Variants in NSD2 observed in about 807,000 individuals in gnomAD.
NSD2 encodes the protein histone-lysine N-methyltransferase NSD2.
NSD2 carries 12 observed loss-of-function variants against 139.0 expected under a neutral mutation model. The ratio of observed to expected loss-of-function variants is 0.09; its 90% CI spans 0.06 to 0.14. The LOEUF is 0.14. Among genes scored for constraint, NSD2 ranks in the 10% least tolerant of loss-of-function variants. NSD2 has a pLI of 1.00. For synonymous variants in NSD2, 669 were observed against 648.7 expected, an observed-to-expected ratio of 1.03 and a Z score of -0.48; for missense variants, 1,155 against 1,745.0, an observed-to-expected ratio of 0.66 and a Z score of 6.02.
Position 1,927,719 on chromosome 4 carries a change from GAAAAAAAAAAAAAAAAAA to G in NSD2, c.1411-2894_1411-2877del, listed in dbSNP as rs1177170379. On this transcript the variant is annotated intron_variant, in intron 5 of 21. Coordinates refer to ENST00000508803, the MANE Select transcript of NSD2 (RefSeq NM_001042424.3). The stretch of plus-strand genomic sequence containing the variant: ...GGGCCACAATGAGACTCTTATCTCA[GAAAAAAAAAAAAAAAAAA>G]AAAAAAAAAAAAGCCGTGTAGGGAG... 5.3e-4 allele frequency among the ~76,000 whole-genome samples: 10 copies of G among 18,910 alleles called. No homozygotes were observed. In the South Asian group the frequency reaches 0.026, roughly 50 times the overall value. The allele number at this position is 18,910 out of a possible 152,430, so 12.4% of individuals were successfully genotyped here.
chr4:1,965,402 A>G (rs368796245), intron 18 of NSD2, among the ~76,000 whole-genome samples: 29 of 152,360 alleles, frequency 1.9e-4, no homozygotes, highest in African/African-American at 7.0e-4. Flanking sequence ...GCAGACCAAT[A>G]TATCTATTGT....
At chr4:1,891,865 A>C (rs1288053951) in intron 1 of NSD2, among the ~76,000 whole-genome samples, 1 of 150,904 alleles carries the variant, frequency 6.6e-6, no homozygotes, top group Non-Finnish European at 1.5e-5. Context: ...TCAAAAAAAA[A>C]AAAAAACAAA....
In NSD2 at chr4:1,948,768, G is replaced by A. The variant is rs1045813031; in HGVS notation, c.1882-2304G>A. ...GTAGGAAATCTCTCCAAGTGGAAACGTGCTAACTTTTTCTGTAAATCTGAA... is the reference window on the plus strand; with the variant it reads ...GTAGGAAATCTCTCCAAGTGGAAACATGCTAACTTTTTCTGTAAATCTGAA... On this transcript the variant is annotated intron_variant, in intron 9 of 21. Coordinates refer to ENST00000508803, the MANE Select transcript of NSD2 (RefSeq NM_001042424.3). The surrounding 1 kb of genome is among the most constrained non-coding windows in gnomAD (Gnocchi z 4.5). 350 of 1,043,944 alleles carry A rather than the reference G, an allele frequency of 3.4e-4. 1 individual carries two copies. The highest frequency in any genetic ancestry group is 3.1e-3 in the Middle Eastern group (7 of 2,274). The allele number at this position is 1,043,944 out of a possible 1,614,324, so 64.7% of individuals were successfully genotyped here.
Position 1,979,028 on chromosome 4 carries a change from T to A in NSD2, c.*119T>A. On this transcript the variant is annotated 3_prime_UTR_variant, in exon 22 of 22. Coordinates refer to ENST00000508803, the MANE Select transcript of NSD2 (RefSeq NM_001042424.3). The stretch of plus-strand genomic sequence containing the variant: ...AGCTCGAGCCGCCAGGACACAGACG[T>A]ACAGGCCTCCTCGGGAGGGAGCGCC... 1 of 1,314,908 alleles carries A rather than the reference T, an allele frequency of 7.6e-7. No individual in the cohort carries two copies. Among genetic ancestry groups the A allele is most frequent in the Non-Finnish European group, 1.0e-6 (1 of 997,874 alleles). 81.5% of individuals were successfully genotyped at this position (1,314,908 alleles called of 1,614,324 possible). A position where few individuals can be genotyped will look rare whatever the true frequency, so the allele number is the denominator to read the frequency against.
chr4:1,955,923 T>C lies in NSD2; in HGVS notation c.2676-60T>C. The C allele has an allele frequency of 6.2e-7, 1 of 1,610,896 alleles. No individual in the cohort carries two copies. Among genetic ancestry groups the C allele is most frequent in the Non-Finnish European group, 8.5e-7 (1 of 1,177,936 alleles). ...GTTCGCTTTACAGTACTTAAAGTATTGAAATTATTATCGCTGTCTCTGAGG... is the reference window on the plus strand; with the variant it reads ...GTTCGCTTTACAGTACTTAAAGTATCGAAATTATTATCGCTGTCTCTGAGG... On this transcript the variant is annotated intron_variant, in intron 14 of 21. Coordinates refer to ENST00000508803, the MANE Select transcript of NSD2 (RefSeq NM_001042424.3). This position sits in a 1 kb window ranked among gnomAD's most constrained non-coding sequence, Gnocchi z 4.7.
Position 1,981,858 on chromosome 4 carries a change from CAGTAG to C in NSD2, c.*2954_*2958del, listed in dbSNP as rs1727799806. The C allele has an allele frequency of 7.5e-6, 3 of 398,462 alleles. No homozygotes were observed. The highest frequency in any genetic ancestry group is 1.3e-5 in the Non-Finnish European group (3 of 226,066). The allele number at this position is 398,462 out of a possible 1,614,324, so 24.7% of individuals were successfully genotyped here. A position where few individuals can be genotyped will look rare whatever the true frequency, so the allele number is the denominator to read the frequency against. Reference sequence around the variant, plus strand: ...GTGTAGTTGATGACTGTTTGTTAGTCAGTAGAGTAAAATGCTGTGTCCACGGGGTG... The same window carrying C: ...GTGTAGTTGATGACTGTTTGTTAGTCAGTAAAATGCTGTGTCCACGGGGTG... On this transcript the variant is annotated 3_prime_UTR_variant, in exon 22 of 22. Coordinates refer to ENST00000508803, the MANE Select transcript of NSD2 (RefSeq NM_001042424.3).
At chr4:1,963,944 A>G (rs192658185) in intron 18 of NSD2, among the ~76,000 whole-genome samples, 9 of 152,310 alleles carry the variant, frequency 5.9e-5, no homozygotes, top group Non-Finnish European at 8.8e-5. Flanking sequence ...ACTGCTGTGA[A>G]CTATGATCAT....
intron 5 of NSD2, among the ~76,000 whole-genome samples, chr4:1,919,538 C>T (rs1719846978): frequency 6.6e-6 from 1 of 152,146 alleles, no homozygotes; most frequent in Non-Finnish European, 1.5e-5. Flanking sequence ...GGATCATATT[C>T]TCATGCTTAA....
intron 1 of NSD2, among the ~76,000 whole-genome samples, chr4:1,898,753 C>G (rs982382092): frequency 6.8e-6 from 1 of 146,502 alleles, no homozygotes; most frequent in African/African-American, 2.5e-5. Context: ...AACTAGGCTG[C>G]TTGGAATCAG....
At position 1,976,494 on chromosome 4, in the gene NSD2, C is replaced by T; in HGVS notation, c.3641C>T (p.Ser1214Leu). Residue 1214 changes from serine (S) to leucine (L), a missense_variant, in exon 21 of 22, where the codon TCA becomes TTA. This residue lies in a region of NSD2 where 39 missense variants were observed against 43.5 expected (regional missense o/e 0.90). Coordinates refer to ENST00000508803, the MANE Select transcript of NSD2 (RefSeq NM_001042424.3). The surrounding 1 kb of genome is among the most constrained non-coding windows in gnomAD (Gnocchi z 5.3). ...CTCTAGACCTCGACGACCCTTTCAT[C>T]AGAGGAAAAGGGCAAAAAGACCAAG... ...DRPKTSTTLS[S>L]EEKGKKTKKK... 6.2e-7 allele frequency: 1 copy of T among 1,613,636 alleles called. No individual in the cohort carries two copies. The highest frequency in any genetic ancestry group is 8.5e-7 in the Non-Finnish European group (1 of 1,179,828).
At chr4:1,970,577 G>A (rs1204977821) in intron 18 of NSD2, among the ~76,000 whole-genome samples, 1 of 152,166 alleles carries the variant, frequency 6.6e-6, no homozygotes, top group Non-Finnish European at 1.5e-5. Flanking sequence ...GCAGTGGGAG[G>A]AGCAGGGAGA....
chr4:1,876,840 G>A (rs1577347334), intron 1 of NSD2, among the ~76,000 whole-genome samples: 1 of 152,112 alleles, frequency 6.6e-6, no homozygotes, highest in African/African-American at 2.4e-5. Context: ...AATTAAATTT[G>A]TTATGCCGTT....
chr4:1,883,663 G>A (rs1229628002), intron 1 of NSD2, among the ~76,000 whole-genome samples: 3 of 146,786 alleles, frequency 2.0e-5, no homozygotes, highest in Non-Finnish European at 3.0e-5. Context: ...TACCTCCTCC[G>A]CTCTGCTGAT....
intron 3 of NSD2, among the ~76,000 whole-genome samples, chr4:1,910,873 G>C (rs1361639638): frequency 6.6e-6 from 1 of 152,148 alleles, no homozygotes; most frequent in Admixed American, 6.5e-5. Context: ...GGAAACTCAG[G>C]CATGGTCATG....
intron 18 of NSD2, among the ~76,000 whole-genome samples, chr4:1,966,550 G>C (rs1725907036): frequency 6.6e-6 from 1 of 151,854 alleles, no homozygotes; most frequent in Non-Finnish European, 1.5e-5. Context: ...CCAGCTACTA[G>C]GGAGGCTGAG....
chr4:1,960,405 G>C (rs1408933288), intron 17 of NSD2, among the ~76,000 whole-genome samples: 1 of 152,160 alleles, frequency 6.6e-6, no homozygotes, highest in Admixed American at 6.5e-5. Context: ...GCACAGTCTA[G>C]GACCAAGTCG....
At chr4:1,922,021 G>A (rs182003566) in intron 5 of NSD2, among the ~76,000 whole-genome samples, 105 of 152,116 alleles carry the variant, frequency 6.9e-4, no homozygotes, top group African/African-American at 2.4e-3. Flanking sequence ...GGTGATGCGC[G>A]CTTGTAATCC....
At chr4:1,888,266 G>A (rs548770036) in intron 1 of NSD2, among the ~76,000 whole-genome samples, 2 of 151,900 alleles carry the variant, frequency 1.3e-5, no homozygotes, top group Non-Finnish European at 2.9e-5. Context: ...ACAAAAATTA[G>A]CCAGGCCTGG....
At chr4:1,938,657 C>A in intron 8 of NSD2, 125 bp downstream of exon 8, 1 of 665,730 alleles carries the variant, frequency 1.5e-6, no homozygotes, top group Non-Finnish European at 2.4e-6. Flanking sequence ...GGGAGGAATC[C>A]ACAATTAAGC....
Sources: gnomAD v4.1 joint callset for allele counts (sites outside exome capture counted in the v4.1 genomes callset) on GRCh38, gnomAD v4.1.1 for gene constraint, gnomAD v4.1.1 regional missense constraint, Gnocchi (gnomAD v3.1) non-coding constraint, MANE v1.5 for transcripts, NCBI Gene and HGNC (gene_info 2026-07-23, HGNC 2026-07-21) for gene names.